Variants in LARS1 observed in about 807,000 individuals in gnomAD.
LARS1 encodes the protein leucine--tRNA ligase, cytoplasmic.
In LARS1, 100 loss-of-function variants were observed where a neutral mutation model predicts 162.8. The observed-to-expected ratio is 0.61, with a 90% confidence interval of 0.52 to 0.73. LARS1 has a LOEUF of 0.73. LARS1 is among the 30% of genes least tolerant of loss of function. LARS1 has a pLI of 0.00. For synonymous variants in LARS1, 457 were observed against 462.8 expected, an observed-to-expected ratio of 0.99 and a Z score of 0.16; for missense variants, 1,258 against 1,408.9, an observed-to-expected ratio of 0.89 and a Z score of 1.71.
chr5:146,182,464 C>G (rs367827958), intron 1 of LARS1, 24 bp downstream of exon 1: 7 of 1,613,784 alleles, frequency 4.3e-6, no homozygotes, highest in Non-Finnish European at 5.9e-6. Flanking sequence ...AGGGCCCCTG[C>G]GGATTCTTCT....
intron 6 of LARS1, among the ~76,000 whole-genome samples, chr5:146,162,294 T>G (rs2939539): frequency 0.6 from 91,278 of 152,148 alleles, 28,046 homozygotes; most frequent in Middle Eastern, 0.79. Flanking sequence ...AAATGACTCC[T>G]TGATTCATGG....
chr5:146,152,266 A>G lies in LARS1; in HGVS notation c.1285-264T>C, dbSNP rs188168661. On this transcript the variant is annotated intron_variant, in intron 13 of 31. Transcript: ENST00000394434. ...CCACACACACCTTTCCCAACACTCT[A>G]TCCTCCACTGGCATATAATTACCTA... is the stretch of plus-strand genomic sequence containing the variant. Among the ~76,000 whole-genome samples, 54 of 152,044 alleles carry G rather than the reference A, an allele frequency of 3.6e-4. No homozygotes were observed. In the East Asian group the frequency reaches 9.7e-3, roughly 27 times the overall value.
At chr5:146,120,547 T>C (rs1443708603) in intron 30 of LARS1, 44 bp from the exon 31 acceptor site, 44 of 1,581,022 alleles carry the variant, frequency 2.8e-5, no homozygotes, top group Non-Finnish European at 3.7e-5. Flanking sequence ...TGAATACTGC[T>C]GAGGGAGGAG....
intron 24 of LARS1, 60 bp downstream of exon 24, chr5:146,130,959 G>A (rs1458753445): frequency 5.3e-6 from 5 of 936,308 alleles, no homozygotes; most frequent in Non-Finnish European, 8.1e-6. Flanking sequence ...AAAAAAGGGG[G>A]AAAATACATA....
rs1395277 is a variant in LARS1 at position 146,126,685 on chromosome 5, C to T, written c.2881-140G>A. On this transcript the variant is annotated intron_variant, in intron 27 of 31. Transcript: ENST00000394434. ...AGAAAAGTGTCCAGCCCTAGCATCACGGGGAAGTGAAAGCTCAATGAACAA... is the reference window on the plus strand; with the variant it reads ...AGAAAAGTGTCCAGCCCTAGCATCATGGGGAAGTGAAAGCTCAATGAACAA... 0.25 allele frequency: 145,074 copies of T among 571,500 alleles called. 20,820 individuals carry two copies. The highest frequency in any genetic ancestry group is 0.37 in the Admixed American group (12,095 of 32,920). 35.4% of individuals were successfully genotyped at this position (571,500 alleles called of 1,614,324 possible).
intron 1 of LARS1, among the ~76,000 whole-genome samples, chr5:146,178,610 A>AT (rs1484218920): frequency 6.9e-6 from 1 of 144,200 alleles, no homozygotes; most frequent in East Asian, 2.0e-4. Flanking sequence ...GCGAAACTCC[A>AT]TCCCCCACCA....
chr5:146,116,839 C>A (rs962856878), intron 31 of LARS1, among the ~76,000 whole-genome samples: 5 of 152,162 alleles, frequency 3.3e-5, no homozygotes, highest in Non-Finnish European at 7.3e-5. Context: ...ACCCTCAATA[C>A]AACTGGCACT....
intron 8 of LARS1, 42 bp downstream of exon 8, chr5:146,159,365 T>G (rs1266612671): frequency 6.8e-7 from 1 of 1,477,276 alleles, no homozygotes; most frequent in Non-Finnish European, 9.4e-7. Flanking sequence ...ATAGTCTTAT[T>G]AAGGATTATT....
At chr5:146,139,014 C>T (rs1164745350) in intron 21 of LARS1, 2 of 288,516 alleles carry the variant, frequency 6.9e-6, no homozygotes, top group Non-Finnish European at 1.3e-5. Flanking sequence ...TTTAAACTAA[C>T]GAAAAGTCAA....
intron 30 of LARS1, among the ~76,000 whole-genome samples, chr5:146,121,484 C>A (rs527577051): frequency 7.4e-4 from 112 of 152,040 alleles, no homozygotes; most frequent in African/African-American, 2.6e-3. Context: ...GGGTATATAC[C>A]CAAAGGATTA....
chr5:146,139,322 G>A (rs1416638961), intron 21 of LARS1, among the ~76,000 whole-genome samples: 1 of 140,716 alleles, frequency 7.1e-6, no homozygotes, highest in African/African-American at 2.7e-5. Context: ...CAGCCTGGGC[G>A]AAAGAGTGAG....
intron 2 of LARS1, among the ~76,000 whole-genome samples, chr5:146,176,793 A>G (rs1398990383): frequency 6.6e-6 from 1 of 152,192 alleles, no homozygotes; most frequent in Admixed American, 6.5e-5. Flanking sequence ...TTATGAAATA[A>G]TATCTTCAAC....
intron 21 of LARS1, chr5:146,138,232 G>A: frequency 5.3e-6 from 1 of 188,514 alleles, no homozygotes; most frequent in South Asian, 1.5e-4. Flanking sequence ...ACTCCTGGCA[G>A]CAAACCAAAC....
intron 1 of LARS1, among the ~76,000 whole-genome samples, chr5:146,178,998 G>A (rs1011127927): frequency 1.1e-4 from 17 of 152,124 alleles, no homozygotes; most frequent in African/African-American, 3.9e-4. Flanking sequence ...TTGAGAGGCC[G>A]AGGCAGGTGG....
At chr5:146,174,000 C>G (rs957031765) in intron 2 of LARS1, among the ~76,000 whole-genome samples, 3 of 152,002 alleles carry the variant, frequency 2.0e-5, no homozygotes, top group African/African-American at 7.2e-5. Context: ...TTCTCTTTCA[C>G]TAAACAAAGC....
chr5:146,170,037 C>A lies in LARS1; in HGVS notation c.295-1772G>T, dbSNP rs79483321. Among the ~76,000 whole-genome samples the A allele has an allele frequency of 3.1e-3, 465 of 152,214 alleles. 4 individuals carry two copies. The highest frequency in any genetic ancestry group is 0.01 in the African/African-American group (435 of 41,530). ...TAGCCCAACCCTAATCATGAAAAAA[C>A]AATCAGAAAACTCATATCATAGGAC... is the stretch of plus-strand genomic sequence containing the variant. On this transcript the variant is annotated intron_variant, in intron 4 of 31. Transcript: ENST00000394434.
At chr5:146,139,359 A>G (rs1474989233) in intron 21 of LARS1, among the ~76,000 whole-genome samples, 1 of 90,296 alleles carries the variant, frequency 1.1e-5, no homozygotes, top group Middle Eastern at 8.6e-3. Flanking sequence ...AAAAAAAAAA[A>G]AGAAAAAGAA....
intron 15 of LARS1, 41 bp from the exon 16 acceptor site, chr5:146,144,750 A>T (rs1388860766): frequency 2.4e-5 from 36 of 1,510,440 alleles, no homozygotes; most frequent in Non-Finnish European, 3.3e-5. Context: ...TACTATGTCA[A>T]ATCAATCTTC....
intron 29 of LARS1, 89 bp downstream of exon 29, chr5:146,123,893 A>T: frequency 1.6e-6 from 1 of 621,550 alleles, no homozygotes; most frequent in Non-Finnish European, 2.6e-6. Flanking sequence ...CAGAAGATGA[A>T]ATTTATAAAA....
Sources: allele counts gnomAD v4.1 joint callset (sites outside exome capture counted in the v4.1 genomes callset), GRCh38; gene constraint gnomAD v4.1.1; transcripts MANE v1.5; gene names NCBI Gene and HGNC (gene_info 2026-07-23, HGNC 2026-07-21).